Variants in SLC38A6 observed in about 807,000 individuals in gnomAD.
SLC38A6 encodes the protein solute carrier family 38 member 6.
Under a neutral mutation model 65.0 loss-of-function variants are expected in SLC38A6, and 73 were observed. The observed-to-expected ratio is 1.12, with a 90% confidence interval of 0.93 to 1.37. SLC38A6 has a LOEUF of 1.37. SLC38A6 is among the 40% of genes most tolerant of loss of function. The pLI is 0.00. For synonymous variants in SLC38A6, 183 were observed against 178.8 expected (o/e 1.02, Z -0.19); for missense variants, 561 against 531.1 (o/e 1.06, Z -0.55).
At position 61,037,104 on chromosome 14, in the gene SLC38A6, T is replaced by G; in HGVS notation, c.528T>G (p.Val176=). 6.2e-7 allele frequency: 1 copy of G among 1,609,908 alleles called. No individual in the cohort carries two copies. The highest frequency in any genetic ancestry group is 8.5e-7 in the Non-Finnish European group (1 of 1,177,814). The part of the protein sequence containing the change: ...DGQTLLIIIC[V]GIVFPLALLP... ...AAACACTACTAATAATCATATGTGTTGGCATTGTGTTCCCTCTTGCACTTC... is the reference window on the plus strand; with the variant it reads ...AAACACTACTAATAATCATATGTGTGGGCATTGTGTTCCCTCTTGCACTTC... The change falls in exon 7 of 16, where the codon GTT becomes GTG. Residue 176 remains valine, a synonymous_variant. Transcript: ENST00000267488.
intron 1 of SLC38A6, chr14:60,981,592 GA>G: frequency 6.7e-7 from 1 of 1,502,192 alleles, no homozygotes; most frequent in Non-Finnish European, 8.9e-7. Flanking sequence ...ACTCTAGAAA[GA>G]AAAGATGAAA....
In SLC38A6 at chr14:60,981,584, T is replaced by C. The variant is rs148698186; in HGVS notation, c.105+202T>C. 4.8e-5 allele frequency: 73 copies of C among 1,516,534 alleles called. No homozygotes were observed. In the East Asian group the frequency reaches 1.6e-3, roughly 33 times the overall value. 93.9% of individuals were successfully genotyped at this position (1,516,534 alleles called of 1,614,324 possible). ...TGAACGTGATAGCAGCCTAGCATAC[T>C]CTAGAAAGAAAAGATGAAAAGCGTC... is the stretch of plus-strand genomic sequence containing the variant. On this transcript the variant is annotated intron_variant, in intron 1 of 15. Coordinates refer to ENST00000267488, the MANE Select transcript of SLC38A6 (RefSeq NM_153811.3).
At chr14:61,025,408 G>A (rs1028977881) in intron 5 of SLC38A6, among the ~76,000 whole-genome samples, 24 of 152,034 alleles carry the variant, frequency 1.6e-4, no homozygotes, top group African/African-American at 5.1e-4. Flanking sequence ...GATTGGGCGC[G>A]CAGATACATC....
At chr14:61,033,123 G>A (rs1281781222) in intron 6 of SLC38A6, among the ~76,000 whole-genome samples, 1 of 151,864 alleles carries the variant, frequency 6.6e-6, no homozygotes, top group African/African-American at 2.4e-5. Context: ...TAATGATCTT[G>A]TCGGGGAATA....
chr14:61,074,163 A>C (rs2043320756), intron 15 of SLC38A6, among the ~76,000 whole-genome samples: 1 of 152,170 alleles, frequency 6.6e-6, no homozygotes, highest in South Asian at 2.1e-4. Flanking sequence ...GTGGGTGGGC[A>C]CCTCTGACCC....
At chr14:61,079,680 C>T (rs894087173) in intron 16 of SLC38A6, among the ~76,000 whole-genome samples, 4 of 152,122 alleles carry the variant, frequency 2.6e-5, no homozygotes, top group Non-Finnish European at 4.4e-5. Context: ...AACCACCCTG[C>T]GACAGCCTTT....
At chr14:61,009,513 A>T (rs1249425096) in intron 3 of SLC38A6, among the ~76,000 whole-genome samples, 2 of 151,926 alleles carry the variant, frequency 1.3e-5, no homozygotes, top group Admixed American at 1.3e-4. Context: ...CATTAGGTAT[A>T]TCTCCTAATG....
intron 3 of SLC38A6, among the ~76,000 whole-genome samples, chr14:61,008,746 A>G (rs2039335128): frequency 6.6e-6 from 1 of 152,224 alleles, no homozygotes; most frequent in South Asian, 2.1e-4. Context: ...AAAAGAAAGT[A>G]TATGCCCAGC....
intron 3 of SLC38A6, among the ~76,000 whole-genome samples, chr14:60,991,919 T>C (rs2037918038): frequency 6.6e-6 from 1 of 152,192 alleles, no homozygotes; most frequent in African/African-American, 2.4e-5. Context: ...TGAATCTCAC[T>C]TAAGACTCCA....
At chr14:60,994,635 C>T (rs573286036) in intron 3 of SLC38A6, among the ~76,000 whole-genome samples, 52 of 148,538 alleles carry the variant, frequency 3.5e-4, no homozygotes, top group South Asian at 4.3e-4. Flanking sequence ...ACCCCGGAGG[C>T]GGAGACTGCA....
At chr14:61,069,407 C>T (rs1370533696) in intron 15 of SLC38A6, among the ~76,000 whole-genome samples, 1 of 152,044 alleles carries the variant, frequency 6.6e-6, no homozygotes, top group Non-Finnish European at 1.5e-5. Flanking sequence ...ATCCCAGATT[C>T]CCTTGCCTCA....
At chr14:61,043,693 C>CTTTTTTT (rs34559752) in intron 10 of SLC38A6, among the ~76,000 whole-genome samples, 190 bp downstream of exon 10, 1 of 107,348 alleles carries the variant, frequency 9.3e-6, no homozygotes, top group Non-Finnish European at 1.9e-5. Flanking sequence ...AAACAGCCAC[C>CTTTTTTT]TTTTTTTTTT....
At chr14:61,071,412 T>G (rs2139963176) in intron 15 of SLC38A6, among the ~76,000 whole-genome samples, 1 of 152,298 alleles carries the variant, frequency 6.6e-6, no homozygotes, top group East Asian at 1.9e-4. Flanking sequence ...CTGGGCACAG[T>G]GGCTCATGCC....
intron 5 of SLC38A6, among the ~76,000 whole-genome samples, 180 bp from the exon 6 acceptor site, chr14:61,030,263 CTG>C (rs3080609): frequency 0.18 from 26,490 of 148,336 alleles, 2,378 homozygotes; most frequent in Non-Finnish European, 0.19. Context: ...AGTTACTTTT[CTG>C]TGTGTGTGTG....
At position 61,016,835 on chromosome 14, in the gene SLC38A6, G is replaced by A. The variant is rs147294567; in HGVS notation, c.363+879G>A. 1.1e-3 allele frequency among the ~76,000 whole-genome samples: 165 copies of A among 152,222 alleles called. No homozygotes were observed. In the East Asian group the frequency reaches 0.023, roughly 21 times the overall value. The stretch of plus-strand genomic sequence containing the variant: ...TGGACAACATGTCATTTTGAAATAT[G>A]TAAACATTGTAGAATGGCTAAATTG... On this transcript the variant is annotated intron_variant, in intron 4 of 15. Transcript: ENST00000267488.
intron 15 of SLC38A6, among the ~76,000 whole-genome samples, chr14:61,075,878 G>A (rs1036767358): frequency 4.1e-5 from 6 of 144,658 alleles, no homozygotes; most frequent in African/African-American, 1.3e-4. Context: ...TTTTTGAAAC[G>A]GAGTTTCACT....
At chr14:61,044,899 G>C (rs1174019002) in intron 10 of SLC38A6, among the ~76,000 whole-genome samples, 1 of 152,144 alleles carries the variant, frequency 6.6e-6, no homozygotes, top group East Asian at 1.9e-4. Context: ...GTTCATGAAA[G>C]CAGGTTCAAG....
chr14:61,032,788 CTAGA>C (rs2041090149), intron 6 of SLC38A6, among the ~76,000 whole-genome samples: 1 of 151,702 alleles, frequency 6.6e-6, no homozygotes, highest in Admixed American at 6.6e-5. Context: ...CAGTTTTTTT[CTAGA>C]TAGACTTACA....
Position 61,041,727 on chromosome 14 carries a change from A to G in SLC38A6, c.625-1420A>G, listed in dbSNP as rs8008933. ...CAGCCTGGGCAACATGGCAAAATCT[A>G]TTCTCTACAAAAAACACAAAAATTA... On this transcript the variant is annotated intron_variant, in intron 8 of 15. Transcript: ENST00000267488. Among the ~76,000 whole-genome samples the G allele has an allele frequency of 8.5e-3, 1,301 of 152,210 alleles. 24 individuals are homozygous for G. Among genetic ancestry groups the G allele is most frequent in the African/African-American group, 0.029 (1,225 of 41,542 alleles).
Sources: gnomAD v4.1 joint callset for allele counts (sites outside exome capture counted in the v4.1 genomes callset) on GRCh38, gnomAD v4.1.1 for gene constraint, MANE v1.5 for transcripts, NCBI Gene and HGNC (gene_info 2026-07-23, HGNC 2026-07-21) for gene names.